Variants in CNBD1 observed in about 807,000 individuals in gnomAD.
The protein encoded by CNBD1 is cyclic nucleotide binding domain containing 1.
In CNBD1, 71 loss-of-function variants were observed where a neutral mutation model predicts 54.4. That is an observed-to-expected ratio of 1.30 (90% CI 1.08 to 1.59). CNBD1 has a LOEUF of 1.59. Among genes scored for constraint, CNBD1 ranks in the 40% most tolerant of loss-of-function variants. The pLI, the probability that CNBD1 is intolerant of heterozygous loss-of-function variation, is 0.00. For missense variants in CNBD1, 659 were observed against 518.0 expected (o/e 1.27, Z -2.64); for synonymous variants, 182 against 170.7 (o/e 1.07, Z -0.51).
intron 2 of CNBD1, among the ~76,000 whole-genome samples, chr8:86,903,902 G>A (rs1808976845): frequency 6.6e-6 from 1 of 151,584 alleles, no homozygotes; most frequent in African/African-American, 2.4e-5. Flanking sequence ...TAATAAATCA[G>A]TGGTCAGATT....
rs971824408 is a variant in CNBD1 at position 87,251,100 on chromosome 8, T to C, written c.771+13988T>C. ...AAACATCACATGTACCCCATAAATA[T>C]ATATTACTGTTATGTACCCTTAATA... On this transcript the variant is annotated intron_variant, in intron 6 of 10. Transcript: ENST00000518476. 7.2e-5 allele frequency among the ~76,000 whole-genome samples: 11 copies of C among 151,990 alleles called. 1 individual carries two copies. Among genetic ancestry groups the C allele is most frequent in the Admixed American group, 7.2e-4 (11 of 15,244 alleles).
intron 5 of CNBD1, 109 bp from the exon 6 acceptor site, chr8:87,236,810 A>G (rs1302039482): frequency 1.7e-6 from 1 of 587,920 alleles, no homozygotes; most frequent in Admixed American, 3.2e-5. Context: ...TACAGAATAC[A>G]CTGAAAGAAA....
chr8:86,947,667 C>T (rs908100857), intron 4 of CNBD1, among the ~76,000 whole-genome samples: 1 of 151,868 alleles, frequency 6.6e-6, no homozygotes, highest in African/African-American at 2.4e-5. Context: ...ATTTATGGGG[C>T]ACATGAGATG....
intron 2 of CNBD1, among the ~76,000 whole-genome samples, chr8:86,890,366 A>G (rs59344788): frequency 0.017 from 2,590 of 152,116 alleles, 69 homozygotes; most frequent in African/African-American, 0.057. Flanking sequence ...TGCCTGCTCT[A>G]TCTTACTTAG....
intron 3 of CNBD1, among the ~76,000 whole-genome samples, chr8:86,931,117 CAA>C (rs1809449730): frequency 6.6e-6 from 1 of 152,160 alleles, no homozygotes; most frequent in African/African-American, 2.4e-5. Context: ...GTGAAAAGAG[CAA>C]AGTCTCCTTA....
At chr8:87,139,963 AG>A (rs1158920093) in intron 4 of CNBD1, among the ~76,000 whole-genome samples, 1 of 152,166 alleles carries the variant, frequency 6.6e-6, no homozygotes, top group African/African-American at 2.4e-5. Flanking sequence ...AGAGATCAAA[AG>A]TTACATTTGC....
chr8:87,330,435 C>A (rs908867202), intron 8 of CNBD1, among the ~76,000 whole-genome samples: 4 of 151,412 alleles, frequency 2.6e-5, no homozygotes, highest in African/African-American at 9.7e-5. Context: ...TAATGTGATT[C>A]CCCTCTAAGC....
intron 2 of CNBD1, among the ~76,000 whole-genome samples, chr8:87,424,347 A>T (rs1212009204): frequency 6.6e-6 from 1 of 151,858 alleles, no homozygotes; most frequent in Non-Finnish European, 1.5e-5. Flanking sequence ...GTGCTTTTCT[A>T]GTTCTTTTAA....
At chr8:87,338,778 C>T (rs369513165) in intron 8 of CNBD1, among the ~76,000 whole-genome samples, 1 of 152,008 alleles carries the variant, frequency 6.6e-6, no homozygotes, top group African/African-American at 2.4e-5. Context: ...AAGAAATTTT[C>T]AGTCATGTTA....
At chr8:87,086,574 G>A (rs998683932) in intron 4 of CNBD1, among the ~76,000 whole-genome samples, 2 of 152,140 alleles carry the variant, frequency 1.3e-5, no homozygotes, top group Admixed American at 6.5e-5. Context: ...CTGAAACAAT[G>A]ATAACTGTGT....
chr8:87,426,916 C>A (rs1440547256), intron 2 of CNBD1, among the ~76,000 whole-genome samples: 1 of 152,066 alleles, frequency 6.6e-6, no homozygotes, highest in South Asian at 2.1e-4. Flanking sequence ...GTGGATAAAC[C>A]AATCATCCTT....
At chr8:86,873,758 A>G (rs1164749861) in intron 1 of CNBD1, among the ~76,000 whole-genome samples, 1 of 152,114 alleles carries the variant, frequency 6.6e-6, no homozygotes, top group African/African-American at 2.4e-5. Context: ...TCTTTTTCTA[A>G]CTGTAAAGTC....
At chr8:87,205,472 T>C (rs1422226870) in intron 4 of CNBD1, among the ~76,000 whole-genome samples, 1 of 152,198 alleles carries the variant, frequency 6.6e-6, no homozygotes, top group Non-Finnish European at 1.5e-5. Flanking sequence ...ATAAATACCA[T>C]GTATTATATG....
At chr8:87,227,564 T>C (rs1814533026) in intron 5 of CNBD1, among the ~76,000 whole-genome samples, 2 of 117,506 alleles carry the variant, frequency 1.7e-5, no homozygotes, top group African/African-American at 3.5e-5. Flanking sequence ...TGTTGAATAT[T>C]GGCCCCCACT....
intron 6 of CNBD1, among the ~76,000 whole-genome samples, chr8:87,260,610 G>A (rs995237396): frequency 6.6e-6 from 1 of 152,120 alleles, no homozygotes; most frequent in Admixed American, 6.6e-5. Flanking sequence ...AAATCTGACT[G>A]GTAAGAAACT....
chr8:87,116,382 T>C (rs767162711), intron 4 of CNBD1, among the ~76,000 whole-genome samples: 2 of 151,844 alleles, frequency 1.3e-5, no homozygotes, highest in Non-Finnish European at 2.9e-5. Context: ...TTGTGGTTTT[T>C]AAAGTCTTTT....
chr8:86,971,418 G>A (rs1057153542), intron 4 of CNBD1, among the ~76,000 whole-genome samples: 4 of 152,126 alleles, frequency 2.6e-5, no homozygotes, highest in Admixed American at 2.0e-4. Context: ...AGATTTGGGT[G>A]GAGATGAAAA....
In CNBD1 at chr8:86,947,915, C is replaced by A. The variant is rs141128969; in HGVS notation, c.431+8161C>A. Among the ~76,000 whole-genome samples, 135 of 152,146 alleles carry A rather than the reference C, an allele frequency of 8.9e-4. 1 individual carries two copies. In the East Asian group the frequency reaches 0.017, roughly 19 times the overall value. ...TACCTCCTCCCAACCACCCTGCTAC[C>A]CTTCCCAGACTCTGGTAACCATACT... is the stretch of plus-strand genomic sequence containing the variant. On this transcript the variant is annotated intron_variant, in intron 4 of 10. Coordinates refer to ENST00000518476, the MANE Select transcript of CNBD1 (RefSeq NM_173538.3).
chr8:86,927,649 C>T lies in CNBD1; in HGVS notation c.273-11947C>T, dbSNP rs983372025. 2.6e-5 allele frequency among the ~76,000 whole-genome samples: 4 copies of T among 151,996 alleles called. No homozygotes were observed. The East Asian group carries it at 7.7e-4, about 29-fold the overall frequency. On this transcript the variant is annotated intron_variant, in intron 3 of 10. Transcript: ENST00000518476. ...ATTAGGATTTTCGTCCTGGCAGGAG[C>T]TACAGTATATAGTCCTACTGCAAAG...
Sources: allele counts gnomAD v4.1 joint callset (sites outside exome capture counted in the v4.1 genomes callset), GRCh38; gene constraint gnomAD v4.1.1; transcripts MANE v1.5; gene names NCBI Gene and HGNC (gene_info 2026-07-23, HGNC 2026-07-21).